Variants in CATSPERT observed in about 807,000 individuals in gnomAD.
CATSPERT encodes the protein catsper channel auxiliary subunit tau.
the CATSPERT span, among the ~76,000 whole-genome samples, chr2:201,601,304 GTGTGTGTGTGT>G: frequency 1.4e-5 from 2 of 145,364 alleles, no homozygotes; most frequent in African/African-American, 5.1e-5. Flanking sequence ...GTGTGTGTGT[GTGTGTGTGTGT>G]GGGTTGTAAT....
At chr2:201,603,219 G>T in the CATSPERT span, 10 of 1,608,946 alleles carry the variant, frequency 6.2e-6, no homozygotes, top group East Asian at 2.0e-4. Flanking sequence ...CAAAAGAAAG[G>T]ATACTCTTAG....
At chr2:201,489,753 T>C in the CATSPERT span, among the ~76,000 whole-genome samples, 1 of 152,206 alleles carries the variant, frequency 6.6e-6, no homozygotes, top group African/African-American at 2.4e-5. Context: ...ATGCATACTA[T>C]AGGGAAGACC....
the CATSPERT span, among the ~76,000 whole-genome samples, chr2:201,529,149 A>G: frequency 6.6e-6 from 1 of 152,188 alleles, no homozygotes; most frequent in African/African-American, 2.4e-5. Context: ...GTAAGAATTA[A>G]TATTTTTAAA....
the CATSPERT span, among the ~76,000 whole-genome samples, chr2:201,525,175 A>G: frequency 6.6e-6 from 1 of 152,148 alleles, no homozygotes; most frequent in African/African-American, 2.4e-5. Context: ...TCTCATGTGC[A>G]TGTGGCACAT....
At chr2:201,560,835 T>C in the CATSPERT span, among the ~76,000 whole-genome samples, 9 of 151,604 alleles carry the variant, frequency 5.9e-5, no homozygotes, top group Non-Finnish European at 1.2e-4. Context: ...CAGGCTGGAG[T>C]GCAGTGGCAT....
the CATSPERT span, among the ~76,000 whole-genome samples, chr2:201,498,286 G>GT: frequency 2.0e-5 from 3 of 152,174 alleles, no homozygotes; most frequent in Non-Finnish European, 2.9e-5. Context: ...CCCTCAGTCT[G>GT]TAGCTGAATG....
At chr2:201,493,882 A>T in the CATSPERT span, 1 of 1,536,930 alleles carries the variant, frequency 6.5e-7, no homozygotes, top group Non-Finnish European at 8.7e-7. Flanking sequence ...TTTTTTAGAG[A>T]CATGTTCTTC....
At chr2:201,571,898 T>G in the CATSPERT span, 42 of 1,547,836 alleles carry the variant, frequency 2.7e-5, no homozygotes, top group Non-Finnish European at 3.5e-5. Context: ...TTGTTTTAAG[T>G]GCCACATGAT....
the CATSPERT span, among the ~76,000 whole-genome samples, chr2:201,618,089 G>T: frequency 6.6e-6 from 1 of 152,174 alleles, no homozygotes; most frequent in African/African-American, 2.4e-5. Context: ...GGAGAAATAG[G>T]AACGCTTTTA....
At chr2:201,545,629 C>CAAA in the CATSPERT span, 255 of 156,478 alleles carry the variant, frequency 1.6e-3, no homozygotes, top group Middle Eastern at 2.6e-3. Context: ...TTCCTAGAAG[C>CAAA]AAAAAAAAAA....
the CATSPERT span, among the ~76,000 whole-genome samples, chr2:201,586,268 A>T: frequency 9.2e-5 from 14 of 152,138 alleles, no homozygotes; most frequent in African/African-American, 3.4e-4. Context: ...GTCAGTTTTG[A>T]CTGCAGAGGG....
chr2:201,598,059 C>T, the CATSPERT span, among the ~76,000 whole-genome samples: 23 of 152,184 alleles, frequency 1.5e-4, no homozygotes, highest in Non-Finnish European at 2.8e-4. Context: ...TTTTCTTACT[C>T]CCGCCTGTAT....
chr2:201,491,305 T>C, the CATSPERT span: 16 of 1,537,768 alleles, frequency 1.0e-5, no homozygotes, highest in East Asian at 3.4e-4. Flanking sequence ...GGCGACACGG[T>C]CTCTTTCTTT....
chr2:201,534,536 C>A, the CATSPERT span: 1 of 985,162 alleles, frequency 1.0e-6, no homozygotes, highest in Non-Finnish European at 1.2e-6. Context: ...AAACAAAATC[C>A]CCAAGTCTTC....
chr2:201,537,373 T>C, the CATSPERT span: 1 of 1,306,302 alleles, frequency 7.7e-7, no homozygotes, highest in African/African-American at 1.5e-5. Flanking sequence ...TTTCTCCATT[T>C]ATAAATATTT....
At chr2:201,545,588 T>C in the CATSPERT span, 7 of 1,452,314 alleles carry the variant, frequency 4.8e-6, no homozygotes, top group African/African-American at 1.0e-4. Flanking sequence ...TGATTACTTT[T>C]CGTGTTTTCA....
At chr2:201,501,395 CAAAAAAAA>C in the CATSPERT span, among the ~76,000 whole-genome samples, 4 of 46,602 alleles carry the variant, frequency 8.6e-5, no homozygotes, top group East Asian at 7.9e-4. Flanking sequence ...AACTCCATCT[CAAAAAAAA>C]AAAAAAAAAA....
At chr2:201,492,101 C>T in the CATSPERT span, 1 of 1,526,548 alleles carries the variant, frequency 6.6e-7, no homozygotes, top group Non-Finnish European at 8.7e-7. Context: ...TATTTCTTTT[C>T]TTTCTCTCGA....
the CATSPERT span, among the ~76,000 whole-genome samples, chr2:201,615,325 A>T: frequency 1.3e-5 from 2 of 152,224 alleles, no homozygotes; most frequent in Non-Finnish European, 2.9e-5. Flanking sequence ...TCCTCAGCAA[A>T]TGTAAAAGAA....
Sources: allele counts gnomAD v4.1 joint callset (sites outside exome capture counted in the v4.1 genomes callset), GRCh38; gene constraint gnomAD v4.1.1; transcripts MANE v1.5; gene names NCBI Gene and HGNC (gene_info 2026-07-23, HGNC 2026-07-21).